The following IMMP2L variants were observed in gnomAD, a reference collection of about 807,000 sequenced individuals.
The protein encoded by IMMP2L is mitochondrial inner membrane protease subunit 2.
In IMMP2L, 18 loss-of-function variants were observed where a neutral mutation model predicts 19.3. The ratio of observed to expected loss-of-function variants is 0.93; its 90% CI spans 0.64 to 1.38. IMMP2L has a LOEUF of 1.38. Ranked by LOEUF, IMMP2L falls within the 40% of genes most tolerant of loss-of-function variation. IMMP2L has a pLI of 0.00. For synonymous variants in IMMP2L, 76 were observed against 73.0 expected, an observed-to-expected ratio of 1.04 and a Z score of -0.21; for missense variants, 233 against 218.2, an observed-to-expected ratio of 1.07 and a Z score of -0.43.
intron 3 of IMMP2L, among the ~76,000 whole-genome samples, chr7:111,249,860 C>CAATGAAATAAAAAGTAGG (rs1815876567): frequency 6.6e-6 from 1 of 152,136 alleles, no homozygotes. Context: ...CAAGGATGAC[C>CAATGAAATAAAAAGTAGG]TCTTTCAACA....
chr7:111,446,119 A>G (rs1437444966), intron 3 of IMMP2L, among the ~76,000 whole-genome samples: 26 of 152,028 alleles, frequency 1.7e-4, no homozygotes, highest in African/African-American at 3.4e-4. Context: ...AGGCGGCAGC[A>G]AGGCTGGGGG....
Position 111,213,469 on chromosome 7 carries a change from C to A in IMMP2L, c.240-249904G>T, listed in dbSNP as rs1167336264. On this transcript the variant is annotated intron_variant, in intron 3 of 5. Transcript: ENST00000405709. The surrounding 1 kb of genome is among the most constrained non-coding windows in gnomAD (Gnocchi z 4.8). ...AAGGGGGTGGGTCCCTAGCAAGGCCCCACCTTCAAGCTGGGGAGGGCCTGA... is the reference window on the plus strand; with the variant it reads ...AAGGGGGTGGGTCCCTAGCAAGGCCACACCTTCAAGCTGGGGAGGGCCTGA... Among the ~76,000 whole-genome samples, 2 of 152,224 alleles carry A rather than the reference C, an allele frequency of 1.3e-5. No homozygotes were observed. The highest frequency in any genetic ancestry group is 4.8e-5 in the African/African-American group (2 of 41,544).
chr7:111,174,165 A>G (rs1278168309), intron 3 of IMMP2L, among the ~76,000 whole-genome samples: 1 of 151,734 alleles, frequency 6.6e-6, no homozygotes. Flanking sequence ...TAATACTACA[A>G]TCATCAGTGA....
At chr7:111,107,374 A>C (rs1798667859) in intron 3 of IMMP2L, among the ~76,000 whole-genome samples, 1 of 152,090 alleles carries the variant, frequency 6.6e-6, no homozygotes, top group Admixed American at 6.6e-5. Context: ...TAAACAGTTT[A>C]GATTCAACTG....
intron 3 of IMMP2L, among the ~76,000 whole-genome samples, chr7:111,158,375 A>T (rs951590490): frequency 3.9e-5 from 6 of 152,116 alleles, no homozygotes; most frequent in Non-Finnish European, 8.8e-5. Context: ...ATAATTCATA[A>T]GGGTGAGATT....
At chr7:111,003,600 C>A (rs952872215) in intron 3 of IMMP2L, among the ~76,000 whole-genome samples, 13 of 151,990 alleles carry the variant, frequency 8.6e-5, no homozygotes, top group Admixed American at 4.6e-4. Flanking sequence ...CAGCCTCGAT[C>A]TCCTGGGCTC....
intron 3 of IMMP2L, among the ~76,000 whole-genome samples, chr7:111,061,440 G>T (rs1387779659): frequency 6.6e-6 from 1 of 152,298 alleles, no homozygotes; most frequent in Non-Finnish European, 1.5e-5. Context: ...AGCTGGAAAT[G>T]ACGAAGGGGT....
intron 3 of IMMP2L, among the ~76,000 whole-genome samples, chr7:111,468,877 A>T (rs1840938882): frequency 6.6e-6 from 1 of 152,126 alleles, no homozygotes; most frequent in Admixed American, 6.6e-5. Context: ...ACTTGTGACT[A>T]AATATGATGG....
intron 3 of IMMP2L, among the ~76,000 whole-genome samples, chr7:110,999,971 G>A (rs1158568830): frequency 6.6e-6 from 1 of 152,148 alleles, no homozygotes; most frequent in East Asian, 1.9e-4. Context: ...AGAGTAAGAA[G>A]AGCTCTACTC....
chr7:111,553,419 G>A lies in IMMP2L; in HGVS notation c.-3+8432C>T, dbSNP rs570224218. 5.3e-5 allele frequency among the ~76,000 whole-genome samples: 8 copies of A among 152,220 alleles called. No individual in the cohort carries two copies. The South Asian group carries it at 1.2e-3, about 24-fold the overall frequency. On this transcript the variant is annotated intron_variant, in intron 1 of 5. Transcript: ENST00000405709. ...CAGTATATGTCCCTGCATTCTTAAC[G>A]AATATAATGGGAATCTCCAAAATAA...
At chr7:110,995,967 C>T (rs78721524) in intron 3 of IMMP2L, among the ~76,000 whole-genome samples, 3,643 of 152,156 alleles carry the variant, frequency 0.024, 124 homozygotes, top group African/African-American at 0.082. Context: ...ACATAAGATG[C>T]GTGGGGAAAT....
chr7:111,020,189 G>T (rs549346202), intron 3 of IMMP2L, among the ~76,000 whole-genome samples: 1 of 151,608 alleles, frequency 6.6e-6, no homozygotes, highest in East Asian at 1.9e-4. Context: ...TTCGAGACCA[G>T]CCTGGACAAC....
chr7:110,981,468 C>G (rs754133706), intron 3 of IMMP2L, among the ~76,000 whole-genome samples: 1 of 151,238 alleles, frequency 6.6e-6, no homozygotes, highest in Non-Finnish European at 1.5e-5. Context: ...TATAACTATA[C>G]TCCTGGAGCA....
At chr7:110,686,898 C>T (rs1284573397) in intron 5 of IMMP2L, among the ~76,000 whole-genome samples, 2 of 152,044 alleles carry the variant, frequency 1.3e-5, no homozygotes, top group African/African-American at 4.8e-5. Context: ...ACGATTAACA[C>T]ACTTCAATCA....
chr7:111,049,661 T>G (rs532771754), intron 3 of IMMP2L, among the ~76,000 whole-genome samples: 6 of 152,214 alleles, frequency 3.9e-5, no homozygotes, highest in African/African-American at 1.4e-4. Flanking sequence ...TTGGCTCTCT[T>G]TGTCCTAGTT....
chr7:110,705,116 A>AT (rs11436425), intron 5 of IMMP2L, among the ~76,000 whole-genome samples: 128,527 of 152,064 alleles, frequency 0.85, 54,614 homozygotes, highest in Non-Finnish European at 0.89. Context: ...GTCATAAGAG[A>AT]TTAGTGATGG....
chr7:111,397,411 G>A (rs577427511), intron 3 of IMMP2L, among the ~76,000 whole-genome samples: 29 of 152,120 alleles, frequency 1.9e-4, no homozygotes, highest in East Asian at 7.8e-4. Context: ...ATGCAGTAGC[G>A]AACATCCCTT....
chr7:110,965,272 A>T (rs1234469971), intron 3 of IMMP2L, among the ~76,000 whole-genome samples: 3 of 152,060 alleles, frequency 2.0e-5, no homozygotes, highest in African/African-American at 7.2e-5. Context: ...TCACATTTTG[A>T]ATTGAAGTAC....
chr7:111,171,780 T>G (rs551133118), intron 3 of IMMP2L, among the ~76,000 whole-genome samples: 1 of 151,480 alleles, frequency 6.6e-6, no homozygotes, highest in South Asian at 2.1e-4. Context: ...CTCTGCTGCT[T>G]AAAAAAATGC....
Sources: allele counts gnomAD v4.1 joint callset (sites outside exome capture counted in the v4.1 genomes callset), GRCh38; gene constraint gnomAD v4.1.1; non-coding constraint Gnocchi (gnomAD v3.1); transcripts MANE v1.5; gene names NCBI Gene and HGNC (gene_info 2026-07-23, HGNC 2026-07-21).